THADA: variants seen among roughly 807,000 people sequenced by gnomAD.
THADA encodes THADA armadillo repeat containing, also known as tRNA (32-2'-O)-methyltransferase regulator THADA.
In THADA, 213 loss-of-function variants were observed where a neutral mutation model predicts 219.8. The observed-to-expected ratio is 0.97, with a 90% CI of 0.87 to 1.09. THADA has a LOEUF of 1.09. Among genes scored for constraint, THADA ranks in the 50% least tolerant of loss-of-function variants. The probability of loss-of-function intolerance (pLI) is 0.00; values close to 1 mark genes in which losing one functional copy is unlikely to be tolerated. For missense variants in THADA, 2,956 were observed against 2,311.3 expected, an observed-to-expected ratio of 1.28 and a Z score of -5.72; for synonymous variants, 1,018 against 828.9, an observed-to-expected ratio of 1.23 and a Z score of -3.92.
At chr2:43,530,342 G>C (rs546500649) in intron 21 of THADA, among the ~76,000 whole-genome samples, 188 of 152,224 alleles carry the variant, frequency 1.2e-3, no homozygotes, top group Non-Finnish European at 2.2e-3. Context: ...AGCATTGTTT[G>C]AACAGAATTA....
At chr2:43,482,709 A>T (rs1157683966) in intron 26 of THADA, among the ~76,000 whole-genome samples, 5 of 152,204 alleles carry the variant, frequency 3.3e-5, no homozygotes. Flanking sequence ...GGTACCCAAG[A>T]ATGGTTAAGA....
At position 43,499,857 on chromosome 2, in the gene THADA, T is replaced by C. The variant is rs560827135; in HGVS notation, c.3622-902A>G. On this transcript the variant is annotated intron_variant, in intron 24 of 37. Transcript: ENST00000405975. ...TTTTTTTAAATGACTAGAATGATTG[T>C]GGTAAGTGACGAATTAAGTCAAGAG... is the stretch of plus-strand genomic sequence containing the variant. Among the ~76,000 whole-genome samples the C allele has an allele frequency of 4.6e-5, 7 of 152,186 alleles. No individual in the cohort carries two copies. The South Asian group carries it at 8.3e-4, about 18-fold the overall frequency.
At chr2:43,248,164 T>TATATAGAGAG (rs1669412946) in intron 36 of THADA, among the ~76,000 whole-genome samples, 3 of 40,938 alleles carry the variant, frequency 7.3e-5, no homozygotes, top group African/African-American at 1.2e-4. Flanking sequence ...TATATATATA[T>TATATAGAGAG]AGAGAGAGAG....
At chr2:43,399,851 CG>C (rs1248659235) in intron 28 of THADA, among the ~76,000 whole-genome samples, 2 of 149,480 alleles carry the variant, frequency 1.3e-5, no homozygotes, top group Non-Finnish European at 3.0e-5. Flanking sequence ...GGGTGGGGGT[CG>C]GGGAGAAACT....
At chr2:43,390,443 A>G (rs575416924) in intron 29 of THADA, among the ~76,000 whole-genome samples, 67 of 152,150 alleles carry the variant, frequency 4.4e-4, no homozygotes, top group Non-Finnish European at 8.1e-4. Flanking sequence ...TCTACCCTTT[A>G]CCTTTATTCA....
intron 29 of THADA, among the ~76,000 whole-genome samples, chr2:43,354,182 C>A (rs867383004): frequency 3.1e-4 from 47 of 152,110 alleles, no homozygotes; most frequent in African/African-American, 9.6e-4. Flanking sequence ...TCTTGAACTC[C>A]TGACCTCAAG....
chr2:43,550,575 G>A (rs1205955166), intron 19 of THADA, among the ~76,000 whole-genome samples: 2 of 152,132 alleles, frequency 1.3e-5, no homozygotes, highest in African/African-American at 4.8e-5. Flanking sequence ...AAGACAACCA[G>A]AGGTAAAAAG....
At chr2:43,438,049 C>T (rs983627311) in intron 26 of THADA, among the ~76,000 whole-genome samples, 3 of 152,066 alleles carry the variant, frequency 2.0e-5, no homozygotes, top group Non-Finnish European at 4.4e-5. Context: ...CGCCTGTAAT[C>T]CCAGCACTTT....
intron 1 of THADA, among the ~76,000 whole-genome samples, chr2:43,594,457 G>A (rs868801984): frequency 5.3e-5 from 8 of 152,136 alleles, no homozygotes; most frequent in Middle Eastern, 6.8e-3. Flanking sequence ...GGTGGCAGGC[G>A]CCTATAACCC....
intron 36 of THADA, among the ~76,000 whole-genome samples, chr2:43,256,226 C>A (rs753164435): frequency 6.6e-6 from 1 of 152,118 alleles, no homozygotes; most frequent in African/African-American, 2.4e-5. Context: ...AACCCGCTTA[C>A]GTCTGGGTGC....
At chr2:43,575,076 G>T (rs778373707) in intron 10 of THADA, 49 bp from the exon 11 acceptor site, 8 of 1,312,786 alleles carry the variant, frequency 6.1e-6, no homozygotes, top group African/African-American at 3.0e-5. Flanking sequence ...ATTAGTAAAA[G>T]AAATTTCATT....
At chr2:43,505,183 T>C (rs996836607) in intron 24 of THADA, among the ~76,000 whole-genome samples, 2 of 152,218 alleles carry the variant, frequency 1.3e-5, no homozygotes, top group African/African-American at 4.8e-5. Context: ...TGCTAGCATA[T>C]GCACTTTCAA....
intron 14 of THADA, among the ~76,000 whole-genome samples, chr2:43,569,547 C>A (rs989343170): frequency 6.6e-6 from 1 of 152,006 alleles, no homozygotes; most frequent in African/African-American, 2.4e-5. Flanking sequence ...TTTAAAAGGT[C>A]GAAGCTAATT....
At chr2:43,542,399 T>G (rs1695442670) in intron 20 of THADA, among the ~76,000 whole-genome samples, 1 of 152,180 alleles carries the variant, frequency 6.6e-6, no homozygotes, top group Admixed American at 6.5e-5. Flanking sequence ...TATAATTACA[T>G]TTATACATTA....
chr2:43,287,247 T>A lies in THADA; in HGVS notation c.5011-186A>T, dbSNP rs139972459. 2.0e-5 allele frequency among the ~76,000 whole-genome samples: 3 copies of A among 152,300 alleles called. No homozygotes were observed. The South Asian group carries it at 6.2e-4, about 32-fold the overall frequency. On this transcript the variant is annotated intron_variant, in intron 34 of 37. Coordinates refer to ENST00000405975, the MANE Select transcript of THADA (RefSeq NM_022065.5). ...TATGCCCAAGGAAGAAAATCTGACTTGTCTTTCGGTAAGATGGAGTCACTA... is the reference window on the plus strand; with the variant it reads ...TATGCCCAAGGAAGAAAATCTGACTAGTCTTTCGGTAAGATGGAGTCACTA...
chr2:43,547,730 C>T (rs1220415194), intron 20 of THADA, among the ~76,000 whole-genome samples: 1 of 152,164 alleles, frequency 6.6e-6, no homozygotes, highest in South Asian at 2.1e-4. Flanking sequence ...CTCCTTTAAG[C>T]ACTTCTCTGT....
intron 31 of THADA, among the ~76,000 whole-genome samples, chr2:43,312,001 C>T (rs1010055049): frequency 2.0e-5 from 3 of 152,062 alleles, no homozygotes; most frequent in African/African-American, 7.2e-5. Flanking sequence ...AAGTTTGAGA[C>T]CAGCCTAGGC....
chr2:43,585,385 G>T (rs1348285509), intron 7 of THADA, among the ~76,000 whole-genome samples: 2 of 151,696 alleles, frequency 1.3e-5, no homozygotes, highest in Non-Finnish European at 2.9e-5. Flanking sequence ...AAGCATGGTG[G>T]CGGGCACCTG....
chr2:43,552,754 A>T (rs1696892166), intron 17 of THADA, among the ~76,000 whole-genome samples: 2 of 152,160 alleles, frequency 1.3e-5, no homozygotes, highest in African/African-American at 4.8e-5. Context: ...TCACATATGT[A>T]CAACCATCAC....
Sources: gnomAD v4.1 joint callset for allele counts (sites outside exome capture counted in the v4.1 genomes callset) on GRCh38, gnomAD v4.1.1 for gene constraint, MANE v1.5 for transcripts, NCBI Gene and HGNC (gene_info 2026-07-23, HGNC 2026-07-21) for gene names.